The following ZC3H12C variants were observed in gnomAD, a reference collection of about 807,000 sequenced individuals.
The protein encoded by ZC3H12C is zinc finger CCCH-type containing 12C.
A neutral mutation model predicts 76.3 loss-of-function variants in ZC3H12C; 20 were observed. That is an observed-to-expected ratio of 0.26 (90% CI 0.18 to 0.38). The LOEUF (loss-of-function observed/expected upper bound fraction) is 0.38. ZC3H12C is among the 10% of genes least tolerant of loss of function. The pLI is 1.00. For missense variants in ZC3H12C, 874 were observed against 1,086.5 expected (o/e 0.80, Z 2.75); for synonymous variants, 352 against 399.6 (o/e 0.88, Z 1.42).
intron 1 of ZC3H12C, 57 bp downstream of exon 1, chr11:110,093,489 T>G: frequency 8.6e-7 from 1 of 1,162,212 alleles, no homozygotes; most frequent in Non-Finnish European, 1.1e-6. Flanking sequence ...GGTCCTGGGG[T>G]AGCCGGTCGT....
chr11:110,162,895 C>T (rs1317043514), intron 4 of ZC3H12C, among the ~76,000 whole-genome samples: 1 of 152,134 alleles, frequency 6.6e-6, no homozygotes, highest in East Asian at 1.9e-4. Flanking sequence ...TCAGCTGCTC[C>T]ACCTCGCCCC....
At chr11:110,133,985 G>T (rs1254722681) in intron 1 of ZC3H12C, among the ~76,000 whole-genome samples, 1 of 152,076 alleles carries the variant, frequency 6.6e-6, no homozygotes, top group Non-Finnish European at 1.5e-5. Context: ...TATTCATCTT[G>T]TCTGGTGTAA....
At chr11:110,145,317 T>C (rs894418312) in intron 2 of ZC3H12C, among the ~76,000 whole-genome samples, 1 of 152,216 alleles carries the variant, frequency 6.6e-6, no homozygotes, top group Non-Finnish European at 1.5e-5. Context: ...ATTAGAGCTA[T>C]GAGACAAAGT....
At chr11:110,138,459 T>C (rs1364418610) in intron 2 of ZC3H12C, among the ~76,000 whole-genome samples, 3 of 151,866 alleles carry the variant, frequency 2.0e-5, no homozygotes, top group Non-Finnish European at 4.4e-5. Flanking sequence ...ACAGGTAAAA[T>C]TAATGTGACT....
chr11:110,104,013 G>GAGA (rs1861271261), intron 1 of ZC3H12C, among the ~76,000 whole-genome samples: 1 of 118,850 alleles, frequency 8.4e-6, no homozygotes, highest in Non-Finnish European at 1.8e-5. Context: ...TTTTTTTTTT[G>GAGA]AGAATATCAT....
chr11:110,119,259 C>T (rs1012293374), intron 1 of ZC3H12C, among the ~76,000 whole-genome samples: 1 of 152,086 alleles, frequency 6.6e-6, no homozygotes, highest in Non-Finnish European at 1.5e-5. Context: ...AGCAGTTTCC[C>T]ATCTCAATAT....
chr11:110,155,340 T>G (rs1254774502), intron 3 of ZC3H12C, among the ~76,000 whole-genome samples: 5 of 152,042 alleles, frequency 3.3e-5, no homozygotes, highest in Admixed American at 6.6e-5. Flanking sequence ...ACTGATAGCA[T>G]TCAGTGCCCT....
chr11:110,147,678 A>G (rs1862195993), intron 2 of ZC3H12C, among the ~76,000 whole-genome samples: 1 of 152,098 alleles, frequency 6.6e-6, no homozygotes, highest in African/African-American at 2.4e-5. Flanking sequence ...CTGTAGTGTC[A>G]GTCTCATTTT....
At position 110,164,769 on chromosome 11, in the gene ZC3H12C, A is replaced by G. The variant is rs957424554; in HGVS notation, c.1684A>G (p.Met562Val). 11 of 1,613,938 alleles carry G rather than the reference A, an allele frequency of 6.8e-6. No individual in the cohort carries two copies. The highest frequency in any genetic ancestry group is 6.7e-5 in the African/African-American group (5 of 74,948). Residue 562 changes from methionine to valine, a missense_variant, in exon 6 of 6, where the codon ATG (methionine) becomes GTG (valine). Met to Val is a conservative substitution (Grantham distance 21, BLOSUM62 1). Coordinates refer to ENST00000278590, the MANE Select transcript of ZC3H12C (RefSeq NM_033390.2). This position sits in a 1 kb window ranked among gnomAD's most constrained non-coding sequence, Gnocchi z 5.7. ...DQRPQGQYPS[M>V]MMATKNHGTP... ...AAGACCACAGGGACAATATCCTTCA[A>G]TGATGATGGCAACCAAAAATCATGG...
At chr11:110,098,607 C>T (rs1466988843) in intron 1 of ZC3H12C, among the ~76,000 whole-genome samples, 1 of 152,166 alleles carries the variant, frequency 6.6e-6, no homozygotes, top group Non-Finnish European at 1.5e-5. Context: ...TATAGGTGTA[C>T]CATTTTTATC....
chr11:110,099,811 CAA>C (rs34997254), intron 1 of ZC3H12C, among the ~76,000 whole-genome samples: 13 of 127,824 alleles, frequency 1.0e-4, no homozygotes, highest in Admixed American at 3.1e-4. Flanking sequence ...GACTCCATCT[CAA>C]AAAAAAAAAA....
intron 1 of ZC3H12C, among the ~76,000 whole-genome samples, chr11:110,116,789 C>G (rs1286209017): frequency 6.6e-6 from 1 of 152,100 alleles, no homozygotes; most frequent in Non-Finnish European, 1.5e-5. Context: ...ATTATCATCT[C>G]CATTTTATAT....
intron 2 of ZC3H12C, among the ~76,000 whole-genome samples, chr11:110,152,517 G>T (rs943041326): frequency 8.3e-6 from 1 of 120,702 alleles, no homozygotes; most frequent in Non-Finnish European, 1.8e-5. Context: ...TAAGTATTCA[G>T]TTTCACTGTT....
At position 110,159,582 on chromosome 11, in the gene ZC3H12C, T is replaced by C. The variant is rs577220792; in HGVS notation, c.1148+92T>C. The C allele has an allele frequency of 7.3e-5, 80 of 1,096,748 alleles. 1 individual carries two copies. The South Asian group carries it at 1.1e-3, about 15-fold the overall frequency. 67.9% of individuals were successfully genotyped at this position (1,096,748 alleles called of 1,614,324 possible). ...CTACAGAATTCTCTTTTTGCCACTG[T>C]CCAGACTTCACACAGGTTTCTAACA... On this transcript the variant is annotated intron_variant, in intron 4 of 5. Transcript: ENST00000278590.
At chr11:110,106,919 T>A (rs1328009290) in intron 1 of ZC3H12C, among the ~76,000 whole-genome samples, 1 of 152,234 alleles carries the variant, frequency 6.6e-6, no homozygotes, top group Non-Finnish European at 1.5e-5. Context: ...CTTGTCTTAT[T>A]GCATTGGCTG....
intron 1 of ZC3H12C, among the ~76,000 whole-genome samples, chr11:110,111,309 C>T (rs1027576493): frequency 6.6e-6 from 1 of 152,124 alleles, no homozygotes; most frequent in Non-Finnish European, 1.5e-5. Flanking sequence ...GACAGTTAAA[C>T]ATGGATTTAC....
At chr11:110,148,924 A>C (rs1278434948) in intron 2 of ZC3H12C, among the ~76,000 whole-genome samples, 2 of 152,062 alleles carry the variant, frequency 1.3e-5, no homozygotes, top group Admixed American at 1.3e-4. Flanking sequence ...GCTCACTCTG[A>C]TTTTGTAATT....
At chr11:110,103,866 G>A (rs1347036363) in intron 1 of ZC3H12C, among the ~76,000 whole-genome samples, 1 of 152,168 alleles carries the variant, frequency 6.6e-6, no homozygotes, top group Non-Finnish European at 1.5e-5. Context: ...GCCTCCCAAA[G>A]TGCTGGGATT....
chr11:110,144,861 A>G (rs1184221676), intron 2 of ZC3H12C, among the ~76,000 whole-genome samples: 5 of 152,136 alleles, frequency 3.3e-5, no homozygotes, highest in Admixed American at 2.6e-4. Flanking sequence ...ATGTTTTTCA[A>G]TTACTCCCCG....
Sources: gnomAD v4.1 joint callset for allele counts (sites outside exome capture counted in the v4.1 genomes callset) on GRCh38, gnomAD v4.1.1 for gene constraint, Gnocchi (gnomAD v3.1) non-coding constraint, MANE v1.5 for transcripts, NCBI Gene and HGNC (gene_info 2026-07-23, HGNC 2026-07-21) for gene names.